Variants in SRGAP2 observed in about 807,000 individuals in gnomAD.
The protein encoded by SRGAP2 is SLIT-ROBO Rho GTPase-activating protein 2.
In SRGAP2, 15 loss-of-function variants were observed where a neutral mutation model predicts 57.2. The ratio of observed to expected loss-of-function variants is 0.26; its 90% confidence interval spans 0.18 to 0.40. The LOEUF (loss-of-function observed/expected upper bound fraction) is 0.40. Ranked by LOEUF, SRGAP2 falls within the 10% of genes least tolerant of loss-of-function variation. The pLI is 1.00. For missense variants in SRGAP2, 520 were observed against 669.6 expected, an observed-to-expected ratio of 0.78 and a Z score of 2.47; for synonymous variants, 249 against 248.0, an observed-to-expected ratio of 1.00 and a Z score of -0.04.
intron 21 of SRGAP2, chr1:206,458,228 A>T (rs782443672): frequency 7.4e-6 from 3 of 405,968 alleles, no homozygotes; most frequent in Admixed American, 3.6e-5. Flanking sequence ...CTTACCAGCA[A>T]TCTTGACCTC....
chr1:206,257,509 GTATTTT>G (rs1669257319), intron 2 of SRGAP2, among the ~76,000 whole-genome samples: 1 of 129,164 alleles, frequency 7.7e-6, no homozygotes, highest in South Asian at 3.0e-4. Flanking sequence ...GGTCTCATTT[GTATTTT>G]TGAAAGATCA....
At chr1:206,419,530 C>T (rs573807667) in intron 12 of SRGAP2, 130 bp downstream of exon 12, 75 of 695,274 alleles carry the variant, frequency 1.1e-4, no homozygotes, top group African/African-American at 1.1e-3. Flanking sequence ...TGGCCTGGGG[C>T]GGGGTTTGTT....
intron 2 of SRGAP2, among the ~76,000 whole-genome samples, chr1:206,276,535 A>G (rs1339404015): frequency 2.7e-5 from 4 of 149,322 alleles, no homozygotes; most frequent in Non-Finnish European, 5.9e-5. Flanking sequence ...CCTGGGTTGA[A>G]AAGCCAGTGA....
chr1:206,381,181 CTGT>C (rs1553347135), intron 4 of SRGAP2, among the ~76,000 whole-genome samples: 10 of 152,228 alleles, frequency 6.6e-5, no homozygotes. Context: ...GGCTTAATTG[CTGT>C]TGTTTTTGGT....
At chr1:206,433,803 A>T (rs782366235) in intron 14 of SRGAP2, among the ~76,000 whole-genome samples, 3 of 152,208 alleles carry the variant, frequency 2.0e-5, no homozygotes, top group Non-Finnish European at 4.4e-5. Context: ...TGACTGTAAT[A>T]TAAATCTGAA....
rs1351444547 is a variant in SRGAP2 at position 206,419,223 on chromosome 1, C to CTG, written c.1442-148_1442-147dup. 6.3e-6 allele frequency: 4 copies of CTG among 631,644 alleles called. No homozygotes were observed. The African/African-American group carries it at 7.3e-5, about 12-fold the overall frequency. 39.1% of individuals were successfully genotyped at this position (631,644 alleles called of 1,614,324 possible). ...TCTTTCTCTCTGTCTCTGTCTCTCT[C>CTG]TGTCTCTCTCTCTCTCTCCTCTCTT... is the stretch of plus-strand genomic sequence containing the variant. On this transcript the variant is annotated intron_variant, in intron 11 of 22. Coordinates refer to ENST00000573034, the MANE Select transcript of SRGAP2 (RefSeq NM_015326.5).
At chr1:206,404,980 TCTC>T in intron 8 of SRGAP2, 1 of 118,996 alleles carries the variant, frequency 8.4e-6, no homozygotes, top group African/African-American at 3.2e-5. Flanking sequence ...GAGGCACTCT[TCTC>T]CAGCCTCCTC....
At chr1:206,411,727 C>G (rs182109661) in intron 10 of SRGAP2, among the ~76,000 whole-genome samples, 2 of 152,318 alleles carry the variant, frequency 1.3e-5, no homozygotes, top group Admixed American at 1.3e-4. Context: ...TTTATACCCC[C>G]ATGGTAAGAG....
intron 4 of SRGAP2, among the ~76,000 whole-genome samples, chr1:206,365,626 C>T (rs1329634795): frequency 3.8e-5 from 5 of 132,436 alleles, no homozygotes; most frequent in Admixed American, 2.2e-4. Context: ...TTTGGCTTGG[C>T]GTCCACAAAT....
rs529356367 is a variant in SRGAP2 at position 206,253,410 on chromosome 1, C to T, written c.67+47373C>T. On this transcript the variant is annotated intron_variant, in intron 2 of 22. Transcript: ENST00000573034. ...CTTTCGCTCTCTCTTGCCCTTCTGC[C>T]TTCTGCCATGGGATGATGCAGCAAG... 4.0e-5 allele frequency among the ~76,000 whole-genome samples: 6 copies of T among 151,400 alleles called. No individual in the cohort carries two copies. In the South Asian group the frequency reaches 1.0e-3, roughly 26 times the overall value.
At position 206,461,161 on chromosome 1, in the gene SRGAP2, T is replaced by C. The variant is rs1553380500; in HGVS notation, c.2957T>C (p.Val986Ala). ...TLEPLKTSPV[V>A]APTSEPSSPL... ...GAGCCCCTCAAAACCTCCCCAGTGG[T>C]GGCCCCCACGTCAGAGCCCTCCAGC... The change falls in exon 23 of 23, where the codon GTG (valine) becomes GCG (alanine). Residue 986 changes from valine to alanine, a missense_variant. Around this residue, in one of 5 missense-constraint regions of SRGAP2, gnomAD observed 478 missense variants for 373.6 expected, o/e 1.28. Transcript: ENST00000573034. 2 of 780,514 alleles carry C rather than the reference T, an allele frequency of 2.6e-6. No homozygotes were observed. Among genetic ancestry groups the C allele is most frequent in the African/African-American group, 3.4e-5 (2 of 59,146 alleles). 48.3% of individuals were successfully genotyped at this position (780,514 alleles called of 1,614,324 possible).
chr1:206,399,577 G>A (rs1657939386), intron 7 of SRGAP2, among the ~76,000 whole-genome samples: 1 of 151,780 alleles, frequency 6.6e-6, no homozygotes, highest in South Asian at 2.1e-4. Context: ...AGTAAGAATG[G>A]AGAGGAAAGG....
intron 17 of SRGAP2, among the ~76,000 whole-genome samples, chr1:206,442,959 C>G (rs1292364015): frequency 6.6e-6 from 1 of 152,176 alleles, no homozygotes; most frequent in Non-Finnish European, 1.5e-5. Flanking sequence ...GGATTGGACA[C>G]ATTGTCAATC....
At chr1:206,206,333 C>T (rs1665914334) in intron 2 of SRGAP2, 1 of 334,738 alleles carries the variant, frequency 3.0e-6, no homozygotes, top group African/African-American at 2.6e-5. Flanking sequence ...GGGCAGGAGG[C>T]TCTTAGAGAA....
chr1:206,366,757 C>T (rs1434458198), intron 4 of SRGAP2, among the ~76,000 whole-genome samples: 79 of 148,090 alleles, frequency 5.3e-4, no homozygotes, highest in African/African-American at 1.7e-3. Context: ...CTTTCCACCC[C>T]CTTCCTTGGG....
At chr1:206,455,167 C>T (rs767605032) in intron 21 of SRGAP2, 143 bp downstream of exon 21, 1 of 732,446 alleles carries the variant, frequency 1.4e-6, no homozygotes, top group South Asian at 1.5e-5. Flanking sequence ...GTGGTCATTG[C>T]TGCTGCAAGG....
intron 19 of SRGAP2, among the ~76,000 whole-genome samples, chr1:206,452,773 C>G (rs1166193695): frequency 1.3e-5 from 2 of 150,766 alleles, no homozygotes; most frequent in African/African-American, 4.9e-5. Context: ...GTAGTCCCAG[C>G]TACTTGGGAG....
chr1:206,324,607 C>T (rs1673731342), intron 3 of SRGAP2, among the ~76,000 whole-genome samples: 4 of 151,974 alleles, frequency 2.6e-5, no homozygotes, highest in African/African-American at 7.3e-5. Flanking sequence ...CTGCCCTTGT[C>T]GGGAGTGAGT....
At chr1:206,459,295 G>A (rs112938488) in intron 22 of SRGAP2, among the ~76,000 whole-genome samples, 54 of 152,082 alleles carry the variant, frequency 3.6e-4, no homozygotes, top group African/African-American at 1.2e-3. Flanking sequence ...GAAACTGCCC[G>A]ACTGTTGAGG....
Sources: allele counts gnomAD v4.1 joint callset (sites outside exome capture counted in the v4.1 genomes callset), GRCh38; gene constraint gnomAD v4.1.1; regional missense constraint gnomAD v4.1.1; transcripts MANE v1.5; gene names NCBI Gene and HGNC (gene_info 2026-07-23, HGNC 2026-07-21).